The following PRB4 variants were observed in gnomAD, a reference collection of about 807,000 sequenced individuals.
The protein encoded by PRB4 is basic salivary proline-rich protein 4.
PRB4 carries 14 observed loss-of-function variants against 9.1 expected under a neutral mutation model. The ratio of observed to expected loss-of-function variants is 1.54; its 90% CI spans 1.02 to 2.41. The LOEUF (loss-of-function observed/expected upper bound fraction) is 2.41, where lower values mean the gene tolerates loss of function less well. PRB4 is among the 30% of genes most tolerant of loss of function. PRB4 has a pLI of 0.00. For missense variants in PRB4, 381 were observed against 299.3 expected (o/e 1.27, Z -2.02); for synonymous variants, 102 against 108.5 (o/e 0.94, Z 0.37).
rs11054244 is a variant in PRB4, at chr12:11,308,619, T to G, written c.364A>C (p.Arg122=). 1.0e-5 allele frequency: 3 copies of G among 299,078 alleles called. No individual in the cohort carries two copies. Among genetic ancestry groups the G allele is most frequent in the Admixed American group, 8.9e-5 (1 of 11,180 alleles). The allele number at this position is 299,078 out of a possible 1,614,324, so 18.5% of individuals were successfully genotyped here. A position where few individuals can be genotyped will look rare whatever the true frequency, so the allele number is the denominator to read the frequency against. The part of the protein sequence containing the change: ...GTPPPPGKPE[R]PPPQGGNQSH... ...TGGTTGCCTCCTTGTGGGGGTGGTC[T>G]TTCTGGCTTTCCTGGAGGAGGTGGG... is the stretch of plus-strand genomic sequence containing the variant. The change falls in exon 3 of 4, where the codon AGA becomes CGA. Residue 122 remains arginine (R), a synonymous_variant. Transcript: ENST00000279575.
chr12:11,308,284 C>T lies in PRB4; in HGVS notation c.699G>A (p.Gly233=), dbSNP rs576626342. 1.9e-6 allele frequency: 3 copies of T among 1,609,096 alleles called. No individual in the cohort carries two copies. Among genetic ancestry groups the T allele is most frequent in the East Asian group, 2.2e-5 (1 of 44,854 alleles). Residue 233 remains glycine, a synonymous_variant, in exon 3 of 4, where the codon GGG becomes GGA. Transcript: ENST00000279575. ...CCTGGGCAGGTCTGGGTGGCCTGCCCCCTTGAGGAGGTGGAGGTGGCCCCT... is the reference window on the plus strand; with the variant it reads ...CCTGGGCAGGTCTGGGTGGCCTGCCTCCTTGAGGAGGTGGAGGTGGCCCCT... ...KPQGPPPPPQ[G]GRPPRPAQGQ... is the part of the protein sequence containing the mutation.
intron 2 of PRB4, 124 bp downstream of exon 2, chr12:11,309,246 A>C: frequency 1.3e-6 from 2 of 1,513,150 alleles, no homozygotes; most frequent in Non-Finnish European, 1.8e-6. Context: ...TGCCTATATC[A>C]TTAGGGGCAA....
Position 11,310,370 on chromosome 12 carries a change from A to T in PRB4, c.29T>A (p.Leu10Gln), listed in dbSNP as rs752033661. MLLILLSVA[L>Q]LALSSAESSS... ...ACTCTCAGCTGAGCTCAGGGCCAGCAGGGCCACTGACAGCAGAATCAGCAG... is the reference window on the plus strand; with the variant it reads ...ACTCTCAGCTGAGCTCAGGGCCAGCTGGGCCACTGACAGCAGAATCAGCAG... The change falls in exon 1 of 4, where the codon CTG becomes CAG. Residue 10 changes from leucine to glutamine, a missense_variant. By Grantham distance (113) the Leu-to-Gln change is moderately radical. Coordinates refer to ENST00000279575, the MANE Select transcript of PRB4 (RefSeq NM_002723.6). 1.9e-6 allele frequency: 3 copies of T among 1,614,224 alleles called. No individual in the cohort carries two copies. The Admixed American group carries it at 5.0e-5, about 27-fold the overall frequency.
intron 1 of PRB4, 103 bp from the exon 2 acceptor site, chr12:11,309,508 C>A (rs1166903461): frequency 6.2e-7 from 1 of 1,602,474 alleles, no homozygotes. Context: ...CCCCATGCAT[C>A]CCCTAGGTTA....
In PRB4 at chr12:11,310,402, G is replaced by T. The variant is rs775576905; in HGVS notation, c.-4C>A. The T allele has an allele frequency of 3.1e-6, 5 of 1,614,180 alleles. No homozygotes were observed. The highest frequency in any genetic ancestry group is 4.2e-6 in the Non-Finnish European group (5 of 1,180,024). On this transcript the variant is annotated 5_prime_UTR_variant, in exon 1 of 4. Transcript: ENST00000279575. ...CTGACAGCAGAATCAGCAGCATCTC[G>T]CTGGAGGCTCTGGAGTCACTCCCAA...
intron 2 of PRB4, among the ~76,000 whole-genome samples, chr12:11,309,126 T>C (rs1448055180): frequency 6.6e-6 from 1 of 152,138 alleles, no homozygotes; most frequent in Non-Finnish European, 1.5e-5. Flanking sequence ...CAGGAGGCAC[T>C]CCTGGCCAGG....
chr12:11,310,313 T>A (rs1400872013), intron 1 of PRB4, 22 bp downstream of exon 1: 1 of 1,614,142 alleles, frequency 6.2e-7, no homozygotes, highest in South Asian at 1.1e-5. Context: ...AGTCACCGCA[T>A]CTTTTCCCCC....
At position 11,309,362 on chromosome 12, in the gene PRB4, G is replaced by T. The variant is rs987102909; in HGVS notation, c.100+8C>A. The T allele has an allele frequency of 4.3e-6, 7 of 1,613,984 alleles. No individual in the cohort carries two copies. In the African/African-American group the frequency reaches 8.0e-5, roughly 18 times the overall value. The stretch of plus-strand genomic sequence containing the variant: ...GTCAAAACAGATTGAGAATGAATTG[G>T]GATTTACCTGATATTAGGAAGAGAG... On this transcript the variant is annotated splice_region_variant and intron_variant, in intron 2 of 3. Coordinates refer to ENST00000279575, the MANE Select transcript of PRB4 (RefSeq NM_002723.6).
In PRB4 at chr12:11,310,415, G is replaced by A; in HGVS notation, c.-17C>T. ...CAGCAGCATCTCGCTGGAGGCTCTG[G>A]AGTCACTCCCAACTCTGTGCTGGGA... is the stretch of plus-strand genomic sequence containing the variant. On this transcript the variant is annotated 5_prime_UTR_variant, in exon 1 of 4. Coordinates refer to ENST00000279575, the MANE Select transcript of PRB4 (RefSeq NM_002723.6). The A allele has an allele frequency of 6.2e-7, 1 of 1,614,214 alleles. No homozygotes were observed. Among genetic ancestry groups the A allele is most frequent in the Non-Finnish European group, 8.5e-7 (1 of 1,180,030 alleles).
rs770479342 is a variant in PRB4, at chr12:11,309,338, T to G, written c.100+32A>C. 2.5e-6 allele frequency: 4 copies of G among 1,613,704 alleles called. No homozygotes were observed. The Admixed American group carries it at 6.7e-5, about 27-fold the overall frequency. On this transcript the variant is annotated intron_variant, in intron 2 of 3. Coordinates refer to ENST00000279575, the MANE Select transcript of PRB4 (RefSeq NM_002723.6). ...TCCATTTGTAAGCAGAAAAAGGGAGTCAAAACAGATTGAGAATGAATTGGG... is the reference window on the plus strand; with the variant it reads ...TCCATTTGTAAGCAGAAAAAGGGAGGCAAAACAGATTGAGAATGAATTGGG...
chr12:11,309,279 G>A (rs1862998185), intron 2 of PRB4, 91 bp downstream of exon 2: 2 of 1,597,356 alleles, frequency 1.3e-6, no homozygotes, highest in South Asian at 1.1e-5. Flanking sequence ...ATTCCTGAAA[G>A]GAAAGTGTTG....
At position 11,308,844 on chromosome 12, in the gene PRB4, G is replaced by C. The variant is rs79595466; in HGVS notation, c.139C>G (p.Pro47Ala). The change falls in exon 3 of 4, where the codon CCC becomes GCC. Residue 47 changes from proline (P) to alanine (A), a missense_variant. Pro to Ala is a conservative substitution (Grantham distance 27). This residue lies in a region of PRB4 where 151 missense variants were observed against 105.8 expected (regional missense o/e 1.43). Transcript: ENST00000279575. The stretch of plus-strand genomic sequence containing the variant: ...CCTGGAGGAGGTGGGGGACGTTGGG[G>C]CTGGTTTCCTCCTTGTGGGCGTCGT... The part of the protein sequence containing the change: ...EGRRPQGGNQ[P>A]QRPPPPPGKP... 14 of 1,512,000 alleles carry C rather than the reference G, an allele frequency of 9.3e-6. No homozygotes were observed. In the African/African-American group the frequency reaches 1.2e-4, roughly 13 times the overall value. 93.7% of individuals were successfully genotyped at this position (1,512,000 alleles called of 1,614,324 possible). A position where few individuals can be genotyped will look rare whatever the true frequency, so the allele number is the denominator to read the frequency against.
intron 2 of PRB4, 55 bp from the exon 3 acceptor site, chr12:11,308,937 C>T (rs1402916077): frequency 1.9e-6 from 3 of 1,603,834 alleles, no homozygotes; most frequent in Middle Eastern, 1.7e-4. Flanking sequence ...CAAATTTTTA[C>T]AGTAATGGAG....
chr12:11,308,378 T>C lies in PRB4; in HGVS notation c.605A>G (p.Lys202Arg), dbSNP rs752260746. Residue 202 changes from lysine to arginine, a missense_variant, in exon 3 of 4, where the codon AAG becomes AGG. Lys to Arg is a conservative substitution (Grantham distance 26). This residue lies in a region of PRB4 where 204 missense variants were observed against 134.4 expected (regional missense o/e 1.52). Transcript: ENST00000279575. ...NKPQGPPPPGKPQGPPPAGGN... is the reference protein window; with the variant it reads ...NKPQGPPPPGRPQGPPPAGGN... ...TCCTGCTGGGGGTGGGCCTTGTGGCTTTCCAGGAGGTGGGGGACCTTGAGG... is the reference window on the plus strand; with the variant it reads ...TCCTGCTGGGGGTGGGCCTTGTGGCCTTCCAGGAGGTGGGGGACCTTGAGG... The C allele has an allele frequency of 6.2e-7, 1 of 1,602,510 alleles. No homozygotes were observed. Among genetic ancestry groups the C allele is most frequent in the African/African-American group, 1.3e-5 (1 of 74,804 alleles).
rs1440731166 is a variant in PRB4, at chr12:11,308,855, C to A, written c.128G>T (p.Gly43Val). Residue 43 changes from glycine to valine, a missense_variant, in exon 3 of 4, where the codon GGA (glycine) becomes GTA (valine). By Grantham distance (109) the Gly-to-Val change is moderately radical (BLOSUM62 -3). Transcript: ENST00000279575. ...TGGGGGACGTTGGGGCTGGTTTCCT[C>A]CTTGTGGGCGTCGTCCTTCTGGCTT... ...SGKPEGRRPQ[G>V]GNQPQRPPPP... 5 of 1,592,222 alleles carry A rather than the reference C, an allele frequency of 3.1e-6. No individual in the cohort carries two copies. Among genetic ancestry groups the A allele is most frequent in the Non-Finnish European group, 4.3e-6 (5 of 1,166,302 alleles).
chr12:11,310,284 C>CA, intron 1 of PRB4, 51 bp downstream of exon 1: 1 of 1,604,772 alleles, frequency 6.2e-7, no homozygotes. Flanking sequence ...TTACCACTGT[C>CA]ACCTCCTAAG....
intron 1 of PRB4, among the ~76,000 whole-genome samples, chr12:11,309,923 C>G (rs1565780900): frequency 6.6e-6 from 1 of 152,132 alleles, no homozygotes. Flanking sequence ...CCAGTTCTGT[C>G]TCTGCAGTAT....
intron 2 of PRB4, among the ~76,000 whole-genome samples, 161 bp downstream of exon 2, chr12:11,309,209 T>C (rs1413008623): frequency 1.3e-5 from 2 of 152,108 alleles, no homozygotes; most frequent in East Asian, 3.9e-4. Context: ...CTGCTCATGG[T>C]CCCCAGAATC....
chr12:11,309,474 A>G, intron 1 of PRB4, 69 bp from the exon 2 acceptor site: 1 of 1,613,378 alleles, frequency 6.2e-7, no homozygotes, highest in Non-Finnish European at 8.5e-7. Context: ...AGTGTTCTAC[A>G]GGGAAAATTG....
Sources: allele counts gnomAD v4.1 joint callset (sites outside exome capture counted in the v4.1 genomes callset), GRCh38; gene constraint gnomAD v4.1.1; regional missense constraint gnomAD v4.1.1; transcripts MANE v1.5; gene names NCBI Gene and HGNC (gene_info 2026-07-23, HGNC 2026-07-21).